Variants in FANCM observed in about 807,000 individuals in gnomAD.
The protein encoded by FANCM is Fanconi anemia group M protein.
In FANCM, 140 loss-of-function variants were observed where a neutral mutation model predicts 199.5. The ratio of observed to expected loss-of-function variants is 0.70; its 90% CI spans 0.61 to 0.81. The LOEUF (loss-of-function observed/expected upper bound fraction) is 0.81. FANCM is among the 30% of genes least tolerant of loss of function. FANCM has a pLI of 0.00. For missense variants in FANCM, 2,410 were observed against 2,421.4 expected (o/e 1.00, Z 0.10); for synonymous variants, 840 against 836.8 (o/e 1.00, Z -0.07).
intron 11 of FANCM, among the ~76,000 whole-genome samples, 153 bp from the exon 12 acceptor site, chr14:45,170,436 G>T (rs997362742): frequency 6.6e-6 from 1 of 152,178 alleles, no homozygotes; most frequent in Non-Finnish European, 1.5e-5. Flanking sequence ...TGAGGCAGGA[G>T]GATTGCTTGA....
chr14:45,148,091 G>A (rs1043859895), intron 3 of FANCM, among the ~76,000 whole-genome samples: 4 of 150,582 alleles, frequency 2.7e-5, no homozygotes, highest in Admixed American at 1.3e-4. Context: ...CAGCTACTGG[G>A]GAGGCTGAGG....
chr14:45,193,226 GA>G (rs1889872423), intron 20 of FANCM, among the ~76,000 whole-genome samples: 1 of 152,180 alleles, frequency 6.6e-6, no homozygotes, highest in Admixed American at 6.5e-5. Context: ...AGAAGGGCAG[GA>G]AAACATCTTA....
intron 2 of FANCM, 125 bp downstream of exon 2, chr14:45,137,366 T>A: frequency 1.4e-6 from 1 of 737,028 alleles, no homozygotes; most frequent in Non-Finnish European, 2.3e-6. Flanking sequence ...GTCTATTATC[T>A]CAGAACAGAT....
intron 2 of FANCM, chr14:45,137,598 G>A (rs1186111886): frequency 1.4e-5 from 4 of 283,578 alleles, no homozygotes; most frequent in Non-Finnish European, 2.7e-5. Flanking sequence ...GTGGATATGC[G>A]GTGTCTCTTC....
At position 45,200,365 on chromosome 14, in the gene FANCM, A is replaced by T. The variant is rs1890295505; in HGVS notation, c.*357A>T. ...AAATAGTAAAGTTGACATGTCTATG[A>T]CTACAGCCAACTTGTCGATTTTCCC... On this transcript the variant is annotated 3_prime_UTR_variant, in exon 23 of 23. Transcript: ENST00000267430. 6.3e-6 allele frequency: 1 copy of T among 158,152 alleles called. No homozygotes were observed. The allele number at this position is 158,152 out of a possible 1,614,324, so 9.8% of individuals were successfully genotyped here.
In FANCM at chr14:45,136,090, C is replaced by G. The variant is rs199699785; in HGVS notation, c.59C>G (p.Ser20Cys). The change falls in exon 1 of 23, where the codon TCT becomes TGT. Residue 20 changes from serine to cysteine, a missense_variant. Transcript: ENST00000267430. ...TGGGGCTCAAGTATCTCCCGATCATCTGGGACTCCGGGTTGCAGCTCCGGA... is the reference window on the plus strand; with the variant it reads ...TGGGGCTCAAGTATCTCCCGATCATGTGGGACTCCGGGTTGCAGCTCCGGA... The part of the protein sequence containing the change: ...QTWGSSISRS[S>C]GTPGCSSGTE... The G allele has an allele frequency of 5.5e-5, 89 of 1,614,002 alleles. No individual in the cohort carries two copies. The highest frequency in any genetic ancestry group is 2.2e-5 in the Non-Finnish European group (26 of 1,180,030).
At chr14:45,188,291 A>G (rs1158357744) in intron 19 of FANCM, among the ~76,000 whole-genome samples, 1 of 152,192 alleles carries the variant, frequency 6.6e-6, no homozygotes, top group Non-Finnish European at 1.5e-5. Flanking sequence ...ATGAGCCAAG[A>G]TTGCACCATT....
chr14:45,183,674 T>A, intron 16 of FANCM, 100 bp from the exon 17 acceptor site: 1 of 724,582 alleles, frequency 1.4e-6, no homozygotes, highest in Non-Finnish European at 2.4e-6. Flanking sequence ...AACATTAATA[T>A]TATGTATTTA....
chr14:45,176,190 G>C lies in FANCM; in HGVS notation c.3436G>C (p.Asp1146His). The part of the protein sequence containing the change: ...LFEDVNTEFD[D>H]VSLSPLNSKS... Reference sequence around the variant, plus strand: ...TGAAGATGTTAATACAGAGTTCGACGATGTGAGTCTTTCACCCTTGAACAG... The same window carrying C: ...TGAAGATGTTAATACAGAGTTCGACCATGTGAGTCTTTCACCCTTGAACAG... The change falls in exon 14 of 23, where the codon GAT (aspartate) becomes CAT (histidine). Residue 1146 changes from aspartate (D) to histidine (H), a missense_variant. Physicochemically the swap from Asp to His is moderately conservative, Grantham distance 81. Coordinates refer to ENST00000267430, the MANE Select transcript of FANCM (RefSeq NM_020937.4). The C allele has an allele frequency of 6.2e-7, 1 of 1,614,028 alleles. No homozygotes were observed.
In FANCM at chr14:45,196,516, T is replaced by C. The variant is rs746870942; in HGVS notation, c.5685T>C (p.Cys1895=). Residue 1895 remains cysteine, a synonymous_variant, in exon 21 of 23, where the codon TGT becomes TGC. Coordinates refer to ENST00000267430, the MANE Select transcript of FANCM (RefSeq NM_020937.4). ...QHLQSMFERI[C]VIVEKDREKT... ...TGCAGAGTATGTTTGAAAGAATATG[T>C]GTGATTGTGGAAAAGGACAGAGAAA... The C allele has an allele frequency of 2.4e-5, 38 of 1,613,916 alleles. No individual in the cohort carries two copies. Among genetic ancestry groups the C allele is most frequent in the Middle Eastern group, 1.6e-4 (1 of 6,084 alleles).
intron 1 of FANCM, 101 bp downstream of exon 1, chr14:45,136,640 T>C: frequency 8.7e-7 from 1 of 1,154,558 alleles, no homozygotes; most frequent in Non-Finnish European, 1.3e-6. Context: ...CCCTCCCTCT[T>C]AAAACATTCT....
chr14:45,183,545 A>G (rs1889196124), intron 16 of FANCM, among the ~76,000 whole-genome samples: 1 of 152,212 alleles, frequency 6.6e-6, no homozygotes, highest in African/African-American at 2.4e-5. Flanking sequence ...TTCATCAAAC[A>G]TATTCGATGT....
At chr14:45,151,948 T>C (rs1318393330) in intron 5 of FANCM, among the ~76,000 whole-genome samples, 2 of 150,238 alleles carry the variant, frequency 1.3e-5, no homozygotes, top group African/African-American at 4.9e-5. Context: ...GAAATGTTTA[T>C]ATAGTTTATA....
intron 14 of FANCM, among the ~76,000 whole-genome samples, chr14:45,180,473 G>T (rs563533717): frequency 1.3e-5 from 2 of 151,822 alleles, no homozygotes; most frequent in Non-Finnish European, 2.9e-5. Flanking sequence ...ACCAGGCAGG[G>T]TCTCGCTTTG....
At chr14:45,141,612 G>T in intron 3 of FANCM, among the ~76,000 whole-genome samples, 1 of 140,730 alleles carries the variant, frequency 7.1e-6, no homozygotes, top group Admixed American at 7.2e-5. Context: ...TTTTTTTGAC[G>T]GAGTTTTGCT....
chr14:45,136,068 G>A lies in FANCM; in HGVS notation c.37G>A (p.Gly13Ser), dbSNP rs1384278351. 2 of 1,613,760 alleles carry A rather than the reference G, an allele frequency of 1.2e-6. No homozygotes were observed. Among genetic ancestry groups the A allele is most frequent in the Non-Finnish European group, 1.7e-6 (2 of 1,180,034 alleles). ...GRQRTLFQTW[G>S]SSISRSSGTP... ...GCAAAGAACGCTTTTTCAGACGTGG[G>A]GCTCAAGTATCTCCCGATCATCTGG... The change falls in exon 1 of 23, where the codon GGC becomes AGC. Residue 13 changes from glycine to serine, a missense_variant. Coordinates refer to ENST00000267430, the MANE Select transcript of FANCM (RefSeq NM_020937.4).
intron 2 of FANCM, among the ~76,000 whole-genome samples, chr14:45,139,103 G>A (rs993667637): frequency 6.6e-6 from 1 of 152,226 alleles, no homozygotes; most frequent in Admixed American, 6.5e-5. Context: ...CTTCCTTACT[G>A]CACTCATGAC....
chr14:45,164,533 G>C lies in FANCM; in HGVS notation c.1756G>C (p.Val586Leu), dbSNP rs775663650. The C allele has an allele frequency of 2.3e-5, 37 of 1,613,196 alleles. No individual in the cohort carries two copies. Among genetic ancestry groups the C allele is most frequent in the Non-Finnish European group, 3.1e-5 (37 of 1,179,860 alleles). The stretch of plus-strand genomic sequence containing the variant: ...TGGCCGTAAACGTCAAGGCAGGATA[G>C]TTATTATCCTTTCTGAAGGACGAGA... ...RTGRKRQGRI[V>L]IILSEGREER... The change falls in exon 10 of 23, where the codon GTT becomes CTT. Residue 586 changes from valine to leucine, a missense_variant. Transcript: ENST00000267430.
chr14:45,198,990 T>C, intron 22 of FANCM, 55 bp downstream of exon 22: 1 of 1,385,922 alleles, frequency 7.2e-7, no homozygotes, highest in East Asian at 2.3e-5. Flanking sequence ...CGTAAAAGCA[T>C]TCCATAGAAG....
Sources: gnomAD v4.1 joint callset for allele counts (sites outside exome capture counted in the v4.1 genomes callset) on GRCh38, gnomAD v4.1.1 for gene constraint, MANE v1.5 for transcripts, NCBI Gene and HGNC (gene_info 2026-07-23, HGNC 2026-07-21) for gene names.